The following APPL1 variants were observed in gnomAD, a reference collection of about 807,000 sequenced individuals.
APPL1 encodes adaptor protein, phosphotyrosine interacting with PH domain and leucine zipper 1, also known as DCC-interacting protein 13-alpha.
In APPL1, 42 loss-of-function variants were observed where a neutral mutation model predicts 106.8. The ratio of observed to expected loss-of-function variants is 0.39; its 90% CI spans 0.31 to 0.51. The LOEUF (loss-of-function observed/expected upper bound fraction) is 0.51. Ranked by LOEUF, APPL1 falls within the 20% of genes least tolerant of loss-of-function variation. The pLI is 0.75. For missense variants in APPL1, 769 were observed against 858.2 expected (o/e 0.90, Z 1.30); for synonymous variants, 263 against 281.8 (o/e 0.93, Z 0.67).
Position 57,273,157 on chromosome 3 carries a change from T to C in APPL1, c.*3470T>C, listed in dbSNP as rs889465612. On this transcript the variant is annotated 3_prime_UTR_variant, in exon 22 of 22. Coordinates refer to ENST00000288266, the MANE Select transcript of APPL1 (RefSeq NM_012096.3). ...CTTCAGTTAATATGAGACTGGGGGT[T>C]AAGTTGTAACTAATATGCAAAATTG... is the stretch of plus-strand genomic sequence containing the variant. 6 of 152,674 alleles carry C rather than the reference T, an allele frequency of 3.9e-5. No homozygotes were observed. The highest frequency in any genetic ancestry group is 1.4e-4 in the African/African-American group (6 of 41,470). 9.5% of individuals were successfully genotyped at this position (152,674 alleles called of 1,614,324 possible).
chr3:57,258,974 T>C, intron 15 of APPL1, 54 bp from the exon 16 acceptor site: 1 of 1,318,722 alleles, frequency 7.6e-7, no homozygotes, highest in South Asian at 1.3e-5. Context: ...AGATTTCTTC[T>C]ATGTGGCTCA....
chr3:57,249,337 G>C, intron 10 of APPL1, 23 bp from the exon 11 acceptor site: 2 of 1,611,984 alleles, frequency 1.2e-6, no homozygotes, highest in Non-Finnish European at 1.7e-6. Context: ...TTATTAAAGA[G>C]TGAATGTGCT....
chr3:57,260,284 T>A, intron 18 of APPL1, 131 bp downstream of exon 18: 1 of 989,844 alleles, frequency 1.0e-6, no homozygotes, highest in Non-Finnish European at 1.5e-6. Flanking sequence ...TTGGCTGTTG[T>A]AGTTAAGTCT....
chr3:57,250,802 T>C (rs2060799410), intron 11 of APPL1, among the ~76,000 whole-genome samples: 1 of 136,876 alleles, frequency 7.3e-6, no homozygotes, highest in South Asian at 2.6e-4. Context: ...TGAACTTTCT[T>C]TCTTTTTTTT....
At chr3:57,239,917 C>G (rs183255585) in intron 4 of APPL1, among the ~76,000 whole-genome samples, 1 of 152,122 alleles carries the variant, frequency 6.6e-6, no homozygotes. Context: ...AATGGTATCT[C>G]ATTGTGGTTT....
intron 19 of APPL1, among the ~76,000 whole-genome samples, chr3:57,264,676 A>G (rs1210448286): frequency 4.0e-5 from 6 of 151,828 alleles, no homozygotes; most frequent in African/African-American, 1.4e-4. Flanking sequence ...TTTTCCCGGC[A>G]CCATTTATTG....
intron 15 of APPL1, 24 bp downstream of exon 15, chr3:57,257,452 A>T (rs1485050935): frequency 1.4e-5 from 23 of 1,593,556 alleles, no homozygotes; most frequent in Non-Finnish European, 2.0e-5. Context: ...TCACAGGTAC[A>T]TTGTGCTGTG....
intron 7 of APPL1, among the ~76,000 whole-genome samples, chr3:57,243,537 C>T (rs1043753357): frequency 2.0e-5 from 3 of 152,132 alleles, no homozygotes; most frequent in Non-Finnish European, 4.4e-5. Context: ...TTGGTGTCTG[C>T]AGCCTTGGCT....
Position 57,247,376 on chromosome 3 carries a change from C to T in APPL1, c.622-19C>T. The T allele has an allele frequency of 6.8e-7, 1 of 1,473,610 alleles. No homozygotes were observed. Among genetic ancestry groups the T allele is most frequent in the Non-Finnish European group, 9.5e-7 (1 of 1,057,874 alleles). The allele number at this position is 1,473,610 out of a possible 1,614,324, so 91.3% of individuals were successfully genotyped here. Reference sequence around the variant, plus strand: ...TCTATTTTTGTATTGTTCAATTCCCCCCACTCCCCACTCTCCAGATAAGTT... The same window carrying T: ...TCTATTTTTGTATTGTTCAATTCCCTCCACTCCCCACTCTCCAGATAAGTT... On this transcript the variant is annotated intron_variant, in intron 8 of 21. Transcript: ENST00000288266.
chr3:57,256,297 G>A (rs554843054), intron 13 of APPL1, among the ~76,000 whole-genome samples: 12 of 151,252 alleles, frequency 7.9e-5, no homozygotes, highest in South Asian at 4.2e-4. Flanking sequence ...CTATATGTAC[G>A]TGATTAAAAC....
At chr3:57,252,141 T>G in intron 11 of APPL1, 128 bp from the exon 12 acceptor site, 1 of 747,528 alleles carries the variant, frequency 1.3e-6, no homozygotes, top group Non-Finnish European at 2.2e-6. Context: ...GTTGGTTGTG[T>G]TTTGTTTTTG....
At chr3:57,268,025 G>T (rs532454137) in intron 20 of APPL1, 1 of 533,798 alleles carries the variant, frequency 1.9e-6, no homozygotes, top group East Asian at 3.2e-5. Context: ...TCCGGGAGGC[G>T]GAGGTTGCAA....
chr3:57,246,266 T>G, intron 8 of APPL1, 44 bp downstream of exon 8: 1 of 1,393,522 alleles, frequency 7.2e-7, no homozygotes, highest in Non-Finnish European at 9.4e-7. Context: ...CCTAAAAGTT[T>G]TATATTAAGC....
chr3:57,262,850 GC>G (rs2060874544), intron 19 of APPL1, among the ~76,000 whole-genome samples: 1 of 67,218 alleles, frequency 1.5e-5, no homozygotes, highest in African/African-American at 6.2e-5. Flanking sequence ...GTGTGTGTAT[GC>G]ATTTTTTTTT....
At chr3:57,229,931 C>T (rs1294148867) in intron 1 of APPL1, among the ~76,000 whole-genome samples, 1 of 152,058 alleles carries the variant, frequency 6.6e-6, no homozygotes, top group Non-Finnish European at 1.5e-5. Context: ...CCAGGCTGGT[C>T]TCGAACTCCT....
chr3:57,247,495 T>A lies in APPL1; in HGVS notation c.704+18T>A. 6.7e-7 allele frequency: 1 copy of A among 1,483,378 alleles called. No individual in the cohort carries two copies. Among genetic ancestry groups the A allele is most frequent in the Non-Finnish European group, 9.4e-7 (1 of 1,066,764 alleles). The allele number at this position is 1,483,378 out of a possible 1,614,324, so 91.9% of individuals were successfully genotyped here. On this transcript the variant is annotated intron_variant, in intron 9 of 21. Coordinates refer to ENST00000288266, the MANE Select transcript of APPL1 (RefSeq NM_012096.3). ...GTTCAGAAGTAAGTATTTTTTTCCT[T>A]AAAATTGAAAATGAAATGATGTGAA... is the stretch of plus-strand genomic sequence containing the variant.
intron 7 of APPL1, among the ~76,000 whole-genome samples, chr3:57,245,787 G>A (rs953187202): frequency 6.6e-6 from 1 of 151,556 alleles, no homozygotes; most frequent in Non-Finnish European, 1.5e-5. Flanking sequence ...TCAAGTGATC[G>A]TCCCGCCTCG....
At chr3:57,251,724 C>T (rs540661975) in intron 11 of APPL1, among the ~76,000 whole-genome samples, 1 of 151,868 alleles carries the variant, frequency 6.6e-6, no homozygotes, top group African/African-American at 2.4e-5. Context: ...TTACTTTTTG[C>T]TTAATGCTTA....
At chr3:57,260,870 T>A (rs1559513459) in intron 19 of APPL1, 96 bp downstream of exon 19, 1 of 1,052,438 alleles carries the variant, frequency 9.5e-7, no homozygotes. Flanking sequence ...TTAAATTAGT[T>A]AGTAATTACT....
Sources: allele counts gnomAD v4.1 joint callset (sites outside exome capture counted in the v4.1 genomes callset), GRCh38; gene constraint gnomAD v4.1.1; transcripts MANE v1.5; gene names NCBI Gene and HGNC (gene_info 2026-07-23, HGNC 2026-07-21).